SLC15A2: variants seen among roughly 807,000 people sequenced by gnomAD.
The protein encoded by SLC15A2 is solute carrier family 15 member 2, also known as kidney H(+)/peptide cotransporter.
In SLC15A2, 77 loss-of-function variants were observed where a neutral mutation model predicts 95.5. The observed-to-expected ratio is 0.81, with a 90% confidence interval of 0.67 to 0.97. The LOEUF (loss-of-function observed/expected upper bound fraction) is 0.97. Ranked by LOEUF, SLC15A2 falls within the 50% of genes least tolerant of loss-of-function variation. The pLI, the probability that SLC15A2 is intolerant of heterozygous loss-of-function variation, is 0.00. For synonymous variants in SLC15A2, 306 were observed against 306.9 expected, an observed-to-expected ratio of 1.00 and a Z score of 0.03; for missense variants, 893 against 874.4, an observed-to-expected ratio of 1.02 and a Z score of -0.27.
At chr3:121,934,547 T>C (rs1018432159) in intron 19 of SLC15A2, among the ~76,000 whole-genome samples, 2 of 150,752 alleles carry the variant, frequency 1.3e-5, no homozygotes. Flanking sequence ...AGTTCACTCA[T>C]GATTTGGCTC....
chr3:121,929,250 T>G (rs1326106047), intron 16 of SLC15A2, 52 bp from the exon 17 acceptor site: 3 of 1,609,322 alleles, frequency 1.9e-6, no homozygotes, highest in African/African-American at 2.7e-5. Context: ...ATTTTCTGAG[T>G]ATAGGTCTTA....
chr3:121,907,548 C>G (rs1709677392), intron 3 of SLC15A2, among the ~76,000 whole-genome samples: 3 of 152,226 alleles, frequency 2.0e-5, no homozygotes, highest in East Asian at 3.9e-4. Flanking sequence ...GTGTGGATGT[C>G]CTTTCTGTTG....
At chr3:121,926,350 T>C (rs1019716070) in intron 13 of SLC15A2, among the ~76,000 whole-genome samples, 5 of 152,154 alleles carry the variant, frequency 3.3e-5, no homozygotes, top group African/African-American at 1.2e-4. Context: ...GTCCTTATGA[T>C]AGTGAGTTCT....
intron 18 of SLC15A2, among the ~76,000 whole-genome samples, chr3:121,931,299 A>C (rs1710228561): frequency 6.6e-6 from 1 of 152,250 alleles, no homozygotes; most frequent in Non-Finnish European, 1.5e-5. Flanking sequence ...CTTAGAGCTT[A>C]TCTTCTCAGG....
At chr3:121,928,662 C>G in intron 15 of SLC15A2, 107 bp downstream of exon 15, 3 of 1,263,192 alleles carry the variant, frequency 2.4e-6, no homozygotes, top group Non-Finnish European at 3.3e-6. Flanking sequence ...TTTAGATAAT[C>G]TTTGAGCACA....
chr3:121,933,927 A>G (rs1273829978), intron 19 of SLC15A2, among the ~76,000 whole-genome samples: 1 of 150,646 alleles, frequency 6.6e-6, no homozygotes, highest in East Asian at 1.9e-4. Flanking sequence ...TCCATCTTGA[A>G]TTGATTTTTG....
Position 121,913,102 on chromosome 3 carries a change from C to A in SLC15A2, c.510C>A (p.Asp170Glu). 1 of 1,613,184 alleles carries A rather than the reference C, an allele frequency of 6.2e-7. No individual in the cohort carries two copies. The highest frequency in any genetic ancestry group is 8.5e-7 in the Non-Finnish European group (1 of 1,179,312). The stretch of plus-strand genomic sequence containing the variant: ...CCTGTGTGGCAGCTTTTGGTGGAGA[C>A]CAGTTTGAAGAAAAACATGTAAGAA... ...IKPCVAAFGG[D>E]QFEEKHAEER... Residue 170 changes from aspartate to glutamate, a missense_variant, in exon 5 of 22, where the codon GAC becomes GAA. By Grantham distance (45) the Asp-to-Glu change is conservative. Transcript: ENST00000489711.
At chr3:121,897,553 C>G (rs189333373) in intron 3 of SLC15A2, 24 bp downstream of exon 3, 181 of 1,612,608 alleles carry the variant, frequency 1.1e-4, no homozygotes, top group Non-Finnish European at 1.4e-4. Flanking sequence ...GAGGTCACAT[C>G]CCTACAAGTT....
At chr3:121,934,763 C>T (rs1337420714) in intron 19 of SLC15A2, among the ~76,000 whole-genome samples, 1 of 152,182 alleles carries the variant, frequency 6.6e-6, no homozygotes, top group Non-Finnish European at 1.5e-5. Context: ...ATTTCCTTCT[C>T]CTGCCTGATT....
intron 17 of SLC15A2, among the ~76,000 whole-genome samples, chr3:121,930,584 A>G (rs1432320590): frequency 2.0e-5 from 3 of 152,218 alleles, no homozygotes; most frequent in Non-Finnish European, 4.4e-5. Context: ...CCGTCTAGCT[A>G]GAGGTCTGGT....
chr3:121,929,334 G>A lies in SLC15A2; in HGVS notation c.1539G>A (p.Gly513=). ...VKDTESRTTN[G]MTTVRFVNTL... is the part of the protein sequence containing the mutation. ...ATACAGAAAGCAGAACAACCAATGG[G>A]ATGACAACCGTGAGGTTTGAATGTC... The change falls in exon 17 of 22, where the codon GGG becomes GGA. Residue 513 remains glycine (G), a synonymous_variant. Transcript: ENST00000489711. 1 of 1,613,968 alleles carries A rather than the reference G, an allele frequency of 6.2e-7. No individual in the cohort carries two copies. The highest frequency in any genetic ancestry group is 1.1e-5 in the South Asian group (1 of 91,062).
At chr3:121,904,249 G>T (rs1213148523) in intron 3 of SLC15A2, among the ~76,000 whole-genome samples, 1 of 152,036 alleles carries the variant, frequency 6.6e-6, no homozygotes, top group Non-Finnish European at 1.5e-5. Context: ...GGAGATTTTG[G>T]GCTGAGACAG....
intron 3 of SLC15A2, among the ~76,000 whole-genome samples, chr3:121,905,475 C>A (rs140485413): frequency 1.3e-5 from 2 of 152,216 alleles, no homozygotes; most frequent in South Asian, 4.1e-4. Flanking sequence ...TGCTTTCTCT[C>A]GTGGGCATTT....
intron 19 of SLC15A2, among the ~76,000 whole-genome samples, chr3:121,938,649 A>G (rs1389410600): frequency 5.9e-5 from 9 of 152,070 alleles, no homozygotes; most frequent in Non-Finnish European, 1.3e-4. Flanking sequence ...GCACCCACTG[A>G]CCTGCGCCCA....
In SLC15A2 at chr3:121,931,731, C is replaced by T. The variant is rs781095353; in HGVS notation, c.1757C>T (p.Thr586Ile). ...DFGAAYLFVITNNTNQGLQAW... is the reference protein window; with the variant it reads ...DFGAAYLFVIINNTNQGLQAW... ...GGTGCAGCATATCTGTTTGTTATTA[C>T]TAATGTAAGTAGCTCACAGCCACCT... Residue 586 changes from threonine to isoleucine, a missense_variant, in exon 19 of 22, where the codon ACT becomes ATT. Transcript: ENST00000489711. The T allele has an allele frequency of 6.3e-7, 1 of 1,596,128 alleles. No individual in the cohort carries two copies. Among genetic ancestry groups the T allele is most frequent in the South Asian group, 1.1e-5 (1 of 90,672 alleles).
chr3:121,915,714 G>A (rs866907395), intron 7 of SLC15A2, 21 bp downstream of exon 7: 1 of 1,572,580 alleles, frequency 6.4e-7, no homozygotes, highest in South Asian at 1.1e-5. Context: ...TGAAGCAAAG[G>A]AAACTAATAA....
chr3:121,943,699 G>C lies in SLC15A2; in HGVS notation c.*2692G>C, dbSNP rs116726781. Reference sequence around the variant, plus strand: ...ATACATTTGAGGAATGCATTGTTAGGCAATTTTGTCATTATGCAAACATCA... The same window carrying C: ...ATACATTTGAGGAATGCATTGTTAGCCAATTTTGTCATTATGCAAACATCA... On this transcript the variant is annotated 3_prime_UTR_variant, in exon 22 of 22. Transcript: ENST00000489711. The C allele has an allele frequency of 5.0e-4, 76 of 152,272 alleles. No individual in the cohort carries two copies. The highest frequency in any genetic ancestry group is 1.8e-3 in the African/African-American group (75 of 41,550). The allele number at this position is 152,272 out of a possible 1,614,324, so 9.4% of individuals were successfully genotyped here. A position where few individuals can be genotyped will look rare whatever the true frequency, so the allele number is the denominator to read the frequency against.
chr3:121,930,730 A>C, intron 17 of SLC15A2, 110 bp from the exon 18 acceptor site: 1 of 640,464 alleles, frequency 1.6e-6, no homozygotes, highest in Non-Finnish European at 2.8e-6. Flanking sequence ...CCACTATCCT[A>C]GGCACCTGGG....
intron 14 of SLC15A2, 96 bp downstream of exon 14, chr3:121,927,935 A>G: frequency 1.1e-6 from 1 of 874,650 alleles, no homozygotes; most frequent in Non-Finnish European, 1.9e-6. Flanking sequence ...GGGACCTAGC[A>G]CAGTACCTGT....
Sources: gnomAD v4.1 joint callset for allele counts (sites outside exome capture counted in the v4.1 genomes callset) on GRCh38, gnomAD v4.1.1 for gene constraint, MANE v1.5 for transcripts, NCBI Gene and HGNC (gene_info 2026-07-23, HGNC 2026-07-21) for gene names.